Variants in PDYN observed in about 807,000 individuals in gnomAD.
PDYN encodes the protein proenkephalin-B.
In PDYN, 5 loss-of-function variants were observed where a neutral mutation model predicts 11.4. The observed-to-expected ratio is 0.44, with a 90% CI of 0.23 to 0.92. The LOEUF is 0.92. Ranked by LOEUF, PDYN falls within the 40% of genes least tolerant of loss-of-function variation. The probability of loss-of-function intolerance (pLI) is 0.24; values close to 1 mark genes in which losing one functional copy is unlikely to be tolerated. For missense variants in PDYN, 337 were observed against 317.3 expected, an observed-to-expected ratio of 1.06 and a Z score of -0.47; for synonymous variants, 132 against 129.5, an observed-to-expected ratio of 1.02 and a Z score of -0.13.
At chr20:1,992,000 C>T (rs183071774) in intron 2 of PDYN, among the ~76,000 whole-genome samples, 3 of 152,200 alleles carry the variant, frequency 2.0e-5, no homozygotes, top group East Asian at 1.9e-4. Flanking sequence ...ATATGATAAT[C>T]GATGGAGAGA....
At chr20:1,984,458 C>G (rs1412583146) in intron 2 of PDYN, among the ~76,000 whole-genome samples, 1 of 152,138 alleles carries the variant, frequency 6.6e-6, no homozygotes, top group Non-Finnish European at 1.5e-5. Context: ...TGGTTATTGC[C>G]TCCCCAATAG....
Position 1,983,211 on chromosome 20 carries a change from AT to A in PDYN, c.-19-109del, listed in dbSNP as rs1987946698. 6.3e-6 allele frequency: 6 copies of A among 953,178 alleles called. No homozygotes were observed. In the Admixed American group the frequency reaches 1.1e-4, roughly 18 times the overall value. 59.0% of individuals were successfully genotyped at this position (953,178 alleles called of 1,614,324 possible). A position where few individuals can be genotyped will look rare whatever the true frequency, so the allele number is the denominator to read the frequency against. ...ACTCCTGCCCACAGCACTGCAAAGC[AT>A]TCTGATTCCCATTCTACAGTCAAGA... On this transcript the variant is annotated intron_variant, in intron 2 of 3. Coordinates refer to ENST00000217305, the MANE Select transcript of PDYN (RefSeq NM_024411.5).
chr20:1,986,695 T>TA (rs2122369381), intron 2 of PDYN, among the ~76,000 whole-genome samples: 1 of 152,338 alleles, frequency 6.6e-6, no homozygotes, highest in African/African-American at 2.4e-5. Flanking sequence ...AAAGATCATA[T>TA]AGTCTGTCCA....
chr20:1,992,305 C>T (rs570260908), intron 2 of PDYN, among the ~76,000 whole-genome samples: 6 of 151,924 alleles, frequency 3.9e-5, no homozygotes, highest in East Asian at 3.9e-4. Flanking sequence ...AAAATTCCTG[C>T]CTCCCAGGAG....
At chr20:1,993,140 T>C (rs1014913566) in intron 1 of PDYN, among the ~76,000 whole-genome samples, 4 of 151,010 alleles carry the variant, frequency 2.6e-5, no homozygotes, top group Admixed American at 2.6e-4. Flanking sequence ...AATATGGGTC[T>C]CTGGACCAGT....
chr20:1,991,685 C>A (rs560843256), intron 2 of PDYN, among the ~76,000 whole-genome samples: 2 of 152,276 alleles, frequency 1.3e-5, no homozygotes, highest in African/African-American at 4.8e-5. Flanking sequence ...AGCTGTGTAA[C>A]CACACTTTGT....
In PDYN at chr20:1,980,082, C is replaced by T. The variant is rs1469714659; in HGVS notation, c.*241G>A. The T allele has an allele frequency of 3.5e-6, 2 of 578,290 alleles. No individual in the cohort carries two copies. The highest frequency in any genetic ancestry group is 5.9e-5 in the Admixed American group (2 of 33,746). 35.8% of individuals were successfully genotyped at this position (578,290 alleles called of 1,614,324 possible). ...CTGCCGCTGCTGATAGTTTTAGAGT[C>T]TAGGTGTCTGAGCCAAGCACTAAGC... On this transcript the variant is annotated 3_prime_UTR_variant, in exon 4 of 4. Transcript: ENST00000217305.
In PDYN at chr20:1,980,941, G is replaced by C; in HGVS notation, c.147C>G (p.Cys49Trp). Residue 49 changes from cysteine to tryptophan, a missense_variant, in exon 4 of 4, where the codon TGC (cysteine) becomes TGG (tryptophan). Transcript: ENST00000217305. ...CCTCAGAGGGCAGCAGGGCAGCCTG[G>C]CATTGCAGGGAGCAAATCTGCAAAA... is the stretch of plus-strand genomic sequence containing the variant. ...PINPLICSLQ[C>W]QAALLPSEEW... 6.2e-7 allele frequency: 1 copy of C among 1,614,056 alleles called. No individual in the cohort carries two copies. Among genetic ancestry groups the C allele is most frequent in the Non-Finnish European group, 8.5e-7 (1 of 1,180,040 alleles).
At chr20:1,988,806 G>C (rs1240141264) in intron 2 of PDYN, among the ~76,000 whole-genome samples, 1 of 152,138 alleles carries the variant, frequency 6.6e-6, no homozygotes, top group African/African-American at 2.4e-5. Context: ...TAACAGGTGG[G>C]GTTGTTTCAG....
At chr20:1,989,375 C>T (rs1214241180) in intron 2 of PDYN, among the ~76,000 whole-genome samples, 5 of 152,212 alleles carry the variant, frequency 3.3e-5, no homozygotes, top group South Asian at 2.1e-4. Context: ...ATGGGCTCTG[C>T]GGTCATTTGG....
rs1030638051 is a variant in PDYN, at chr20:1,979,185, C to G, written c.*1138G>C. The G allele has an allele frequency of 1.3e-5, 2 of 152,206 alleles. No homozygotes were observed. Among genetic ancestry groups the G allele is most frequent in the Admixed American group, 1.3e-4 (2 of 15,276 alleles). The allele number at this position is 152,206 out of a possible 1,614,324, so 9.4% of individuals were successfully genotyped here. ...GCACTTAATCATTTTATTCCTCTTT[C>G]TGGTTTTATTTTGAGACATTAAGAG... On this transcript the variant is annotated 3_prime_UTR_variant, in exon 4 of 4. Transcript: ENST00000217305.
In PDYN at chr20:1,980,744, A is replaced by T; in HGVS notation, c.344T>A (p.Ile115Asn). The change falls in exon 4 of 4, where the codon ATC (isoleucine) becomes AAC (asparagine). Residue 115 changes from isoleucine to asparagine, a missense_variant. Physicochemically the swap from Ile to Asn is moderately radical, Grantham distance 149. Coordinates refer to ENST00000217305, the MANE Select transcript of PDYN (RefSeq NM_024411.5). ...GCTCAGAGTGTTCTCCTTTGTTGAG[A>T]TACTTGGGAGAAACTTGCTTTTCTC... ...ELEKSKFLPS[I>N]STKENTLSKS... 1 of 1,614,092 alleles carries T rather than the reference A, an allele frequency of 6.2e-7. No individual in the cohort carries two copies. Among genetic ancestry groups the T allele is most frequent in the Non-Finnish European group, 8.5e-7 (1 of 1,180,024 alleles).
At chr20:1,993,571 G>A (rs144439071) in intron 1 of PDYN, 69 of 152,316 alleles carry the variant, frequency 4.5e-4, no homozygotes, top group African/African-American at 1.5e-3. Context: ...CTCCCATCCA[G>A]GGTGTCCCAT....
At chr20:1,991,156 GCT>G (rs891287529) in intron 2 of PDYN, among the ~76,000 whole-genome samples, 1 of 152,206 alleles carries the variant, frequency 6.6e-6, no homozygotes, top group African/African-American at 2.4e-5. Context: ...CCCTCCTGCT[GCT>G]CTCTGAGTCT....
At position 1,981,680 on chromosome 20, in the gene PDYN, C is replaced by A. The variant is rs188526050; in HGVS notation, c.130-722G>T. Reference sequence around the variant, plus strand: ...GTGGCTCATGCCTGTAATCCCAGCACTTTGGGAGACCAAAGCTGGCGGATC... The same window carrying A: ...GTGGCTCATGCCTGTAATCCCAGCAATTTGGGAGACCAAAGCTGGCGGATC... On this transcript the variant is annotated intron_variant, in intron 3 of 3. Transcript: ENST00000217305. Among the ~76,000 whole-genome samples the A allele has an allele frequency of 6.1e-3, 925 of 152,252 alleles. 9 individuals are homozygous for A. Among genetic ancestry groups the A allele is most frequent in the Non-Finnish European group, 7.2e-3 (490 of 68,040 alleles).
At position 1,983,001 on chromosome 20, in the gene PDYN, C is replaced by G. The variant is rs377388422; in HGVS notation, c.84G>C (p.Leu28Phe). The G allele has an allele frequency of 1.9e-6, 3 of 1,613,954 alleles. No individual in the cohort carries two copies. Among genetic ancestry groups the G allele is most frequent in the African/African-American group, 2.7e-5 (2 of 74,904 alleles). Residue 28 changes from leucine (L) to phenylalanine (F), a missense_variant, in exon 3 of 4, where the codon TTG becomes TTC. Transcript: ENST00000217305. Reference sequence around the variant, plus strand: ...GACCATCCTGGGTCTTTACAGCACACAAGGAGCACCGCGACAGGCAGTCCG... The same window carrying G: ...GACCATCCTGGGTCTTTACAGCACAGAAGGAGCACCGCGACAGGCAGTCCG... Reference protein sequence around the residue: ...TTADCLSRCSLCAVKTQDGPK... With the variant: ...TTADCLSRCSFCAVKTQDGPK...
rs1020799457 is a variant in PDYN, at chr20:1,993,952, G to A, written c.-121C>T. On this transcript the variant is annotated 5_prime_UTR_variant, in exon 1 of 4. Coordinates refer to ENST00000217305, the MANE Select transcript of PDYN (RefSeq NM_024411.5). ...CCCTGGGCAGCTTCTGGCCGAGCAG[G>A]TCGGAGGTGGCAGTGGCTGGTCCAA... The A allele has an allele frequency of 2.0e-5, 3 of 153,702 alleles. No individual in the cohort carries two copies. Among genetic ancestry groups the A allele is most frequent in the African/African-American group, 7.2e-5 (3 of 41,464 alleles). The allele number at this position is 153,702 out of a possible 1,614,324, so 9.5% of individuals were successfully genotyped here. A position where few individuals can be genotyped will look rare whatever the true frequency, so the allele number is the denominator to read the frequency against.
intron 2 of PDYN, among the ~76,000 whole-genome samples, chr20:1,986,734 G>A (rs1019472725): frequency 2.6e-5 from 4 of 152,232 alleles, no homozygotes; most frequent in African/African-American, 9.6e-5. Context: ...ACAGCACCCA[G>A]ACAGATTGGA....
At chr20:1,987,654 AC>A (rs1440578321) in intron 2 of PDYN, among the ~76,000 whole-genome samples, 1 of 152,140 alleles carries the variant, frequency 6.6e-6, no homozygotes, top group African/African-American at 2.4e-5. Context: ...TTCTTTCCTG[AC>A]CCCGAAGCAG....
Sources: allele counts gnomAD v4.1 joint callset (sites outside exome capture counted in the v4.1 genomes callset), GRCh38; gene constraint gnomAD v4.1.1; transcripts MANE v1.5; gene names NCBI Gene and HGNC (gene_info 2026-07-23, HGNC 2026-07-21).